The following CNTN1 variants were observed in gnomAD, a reference collection of about 807,000 sequenced individuals.
CNTN1 encodes contactin 1.
Under a neutral mutation model 126.4 loss-of-function variants are expected in CNTN1, and 38 were observed. That is an observed-to-expected ratio of 0.30 (90% CI 0.23 to 0.39). The LOEUF (loss-of-function observed/expected upper bound fraction) is 0.39, where lower values mean the gene tolerates loss of function less well. CNTN1 is among the 10% of genes least tolerant of loss of function. The probability of loss-of-function intolerance (pLI) is 1.00; values close to 1 mark genes in which losing one functional copy is unlikely to be tolerated. For synonymous variants in CNTN1, 413 were observed against 422.6 expected (o/e 0.98, Z 0.28); for missense variants, 1,009 against 1,248.4 (o/e 0.81, Z 2.89).
At chr12:40,904,485 G>C (rs760042331) in intron 1 of CNTN1, among the ~76,000 whole-genome samples, 2 of 148,888 alleles carry the variant, frequency 1.3e-5, no homozygotes, top group Non-Finnish European at 3.0e-5. Flanking sequence ...CTGGAGTACA[G>C]TGGCATGATC....
At chr12:40,741,511 A>G (rs548124797) in intron 1 of CNTN1, among the ~76,000 whole-genome samples, 20 of 152,228 alleles carry the variant, frequency 1.3e-4, no homozygotes, top group Non-Finnish European at 2.6e-4. Flanking sequence ...AAATAATCTG[A>G]TCATTTAACT....
At chr12:40,997,671 G>A (rs1198879977) in intron 17 of CNTN1, among the ~76,000 whole-genome samples, 1 of 152,032 alleles carries the variant, frequency 6.6e-6, no homozygotes. Context: ...GTATAATCTG[G>A]GCAAGTTAAT....
intron 7 of CNTN1, 65 bp from the exon 8 acceptor site, chr12:40,933,396 A>G (rs1945965486): frequency 3.6e-6 from 4 of 1,101,410 alleles, no homozygotes; most frequent in East Asian, 2.4e-5. Flanking sequence ...TAGAATTACC[A>G]TGTTTAAGAA....
chr12:41,070,358 T>C lies in CNTN1; in HGVS notation c.*323T>C. The C allele has an allele frequency of 2.6e-6, 1 of 387,698 alleles. No individual in the cohort carries two copies. The highest frequency in any genetic ancestry group is 2.4e-5 in the South Asian group (1 of 42,226). The allele number at this position is 387,698 out of a possible 1,614,324, so 24.0% of individuals were successfully genotyped here. ...CAGTGTTCAATTCAATACTATAGGC[T>C]GTAGAGTGAAAGTCAAATCACCATA... On this transcript the variant is annotated 3_prime_UTR_variant, in exon 24 of 24. Transcript: ENST00000551295.
intron 1 of CNTN1, among the ~76,000 whole-genome samples, chr12:40,780,931 T>C (rs200801155): frequency 6.9e-6 from 1 of 144,074 alleles, no homozygotes; most frequent in Non-Finnish European, 1.5e-5. Context: ...TTTTTTTTTT[T>C]AATTTCTAAG....
chr12:40,817,574 G>A (rs1332221077), intron 1 of CNTN1, among the ~76,000 whole-genome samples: 2 of 142,878 alleles, frequency 1.4e-5, no homozygotes, highest in African/African-American at 5.3e-5. Flanking sequence ...CATGTAAGAT[G>A]GGTCTCCTGA....
intron 1 of CNTN1, among the ~76,000 whole-genome samples, chr12:40,720,314 T>G (rs1441281442): frequency 6.6e-6 from 1 of 152,184 alleles, no homozygotes; most frequent in African/African-American, 2.4e-5. Context: ...TTCTAGTTTT[T>G]TTCATTGACT....
At chr12:40,915,510 G>A (rs1414246352) in intron 3 of CNTN1, among the ~76,000 whole-genome samples, 1 of 152,040 alleles carries the variant, frequency 6.6e-6, no homozygotes, top group Non-Finnish European at 1.5e-5. Flanking sequence ...TCTTTGAGAT[G>A]AGTTCATATT....
chr12:40,933,550 G>C lies in CNTN1; in HGVS notation c.793G>C (p.Ala265Pro). ...CCAAAATGTGACCTTAGAATGTTTT[G>C]CACTTGGAAAGTAAGTATACTGACA... Reference protein sequence around the residue: ...MGQNVTLECFALGNPVPDIRW... With the variant: ...MGQNVTLECFPLGNPVPDIRW... Residue 265 changes from alanine to proline, a missense_variant, in exon 8 of 24, where the codon GCA becomes CCA. Transcript: ENST00000551295. The C allele has an allele frequency of 4.4e-6, 7 of 1,607,326 alleles. No individual in the cohort carries two copies. The highest frequency in any genetic ancestry group is 6.0e-6 in the Non-Finnish European group (7 of 1,174,288).
chr12:41,001,582 G>A (rs1454597400), intron 17 of CNTN1, among the ~76,000 whole-genome samples: 1 of 152,068 alleles, frequency 6.6e-6, no homozygotes, highest in Non-Finnish European at 1.5e-5. Context: ...CCTTTGCTGT[G>A]CAGAAGCTCT....
At chr12:40,859,222 A>G (rs985185664) in intron 1 of CNTN1, among the ~76,000 whole-genome samples, 2 of 152,148 alleles carry the variant, frequency 1.3e-5, no homozygotes, top group African/African-American at 4.8e-5. Flanking sequence ...GAATAGACCC[A>G]TAAGTAGGTA....
chr12:40,884,029 A>ACTGCC (rs1943953124), intron 1 of CNTN1, among the ~76,000 whole-genome samples: 2 of 151,580 alleles, frequency 1.3e-5, no homozygotes, highest in Non-Finnish European at 3.0e-5. Context: ...CACCTAAGAG[A>ACTGCC]AATAATCATG....
In CNTN1 at chr12:41,030,623, C is replaced by T. The variant is rs142875601; in HGVS notation, c.2980+1404C>T. Among the ~76,000 whole-genome samples, 213 of 152,138 alleles carry T rather than the reference C, an allele frequency of 1.4e-3. 1 individual carries two copies. Among genetic ancestry groups the T allele is most frequent in the African/African-American group, 5.1e-3 (210 of 41,540 alleles). ...AATGATATTCTTTCAAACAAATATG[C>T]AAACTCATTAAAGTTTTTTTCTATC... is the stretch of plus-strand genomic sequence containing the variant. On this transcript the variant is annotated intron_variant, in intron 23 of 23. Transcript: ENST00000551295.
At chr12:40,838,461 C>G (rs10784901) in intron 1 of CNTN1, among the ~76,000 whole-genome samples, 2 of 151,984 alleles carry the variant, frequency 1.3e-5, no homozygotes, top group Non-Finnish European at 2.9e-5. Flanking sequence ...AGCAAGACAT[C>G]TGGAGTTTCA....
At chr12:40,924,088 T>C (rs965973638) in intron 5 of CNTN1, among the ~76,000 whole-genome samples, 1 of 152,132 alleles carries the variant, frequency 6.6e-6, no homozygotes, top group African/African-American at 2.4e-5. Context: ...CGTTCCCTAA[T>C]GAGGGTCCTG....
intron 14 of CNTN1, among the ~76,000 whole-genome samples, chr12:40,947,331 A>G (rs921785843): frequency 6.6e-6 from 1 of 152,076 alleles, no homozygotes; most frequent in African/African-American, 2.4e-5. Flanking sequence ...TGAGGCTTTG[A>G]TACAATAAGA....
chr12:40,706,583 T>G (rs1399221110), intron 1 of CNTN1, among the ~76,000 whole-genome samples: 1 of 152,164 alleles, frequency 6.6e-6, no homozygotes, highest in African/African-American at 2.4e-5. Context: ...TGCCTCAAAC[T>G]TATAGGACCC....
At chr12:40,729,546 C>G (rs17128689) in intron 1 of CNTN1, 24,273 of 225,836 alleles carry the variant, frequency 0.11, 1,464 homozygotes, top group African/African-American at 0.13. Context: ...GCAGTGAAAC[C>G]TGGTGTTTGA....
intron 1 of CNTN1, among the ~76,000 whole-genome samples, chr12:40,803,021 T>C (rs1393481155): frequency 3.3e-5 from 5 of 152,022 alleles, no homozygotes; most frequent in African/African-American, 1.2e-4. Context: ...AGAGTCTTGA[T>C]CCCACTTGTT....
Sources: allele counts gnomAD v4.1 joint callset (sites outside exome capture counted in the v4.1 genomes callset), GRCh38; gene constraint gnomAD v4.1.1; transcripts MANE v1.5; gene names NCBI Gene and HGNC (gene_info 2026-07-23, HGNC 2026-07-21).